PRUNE2: variants seen among roughly 807,000 people sequenced by gnomAD.
PRUNE2 encodes the protein protein prune homolog 2.
A neutral mutation model predicts 252.0 loss-of-function variants in PRUNE2; 164 were observed. That is an observed-to-expected ratio of 0.65 (90% CI 0.57 to 0.74). The LOEUF (loss-of-function observed/expected upper bound fraction) is 0.74. Among genes scored for constraint, PRUNE2 ranks in the 30% least tolerant of loss-of-function variants. The pLI, the probability that PRUNE2 is intolerant of heterozygous loss-of-function variation, is 0.00. For missense variants in PRUNE2, 3,495 were observed against 3,711.0 expected (o/e 0.94, Z 1.51); for synonymous variants, 1,292 against 1,350.2 (o/e 0.96, Z 0.94).
At chr9:76,701,038 G>A (rs372435805) in intron 9 of PRUNE2, among the ~76,000 whole-genome samples, 4 of 152,118 alleles carry the variant, frequency 2.6e-5, no homozygotes, top group African/African-American at 7.2e-5. Context: ...ACTCCTAGAC[G>A]GCTGACAGTA....
intron 6 of PRUNE2, among the ~76,000 whole-genome samples, chr9:76,813,462 T>C (rs530785991): frequency 6.6e-6 from 1 of 152,336 alleles, no homozygotes; most frequent in Non-Finnish European, 1.5e-5. Context: ...TAAAAGTGTG[T>C]TGTGTCTCTA....
chr9:76,781,071 A>G (rs751100434), intron 6 of PRUNE2, among the ~76,000 whole-genome samples: 22 of 152,200 alleles, frequency 1.4e-4, no homozygotes, highest in Admixed American at 1.4e-3. Flanking sequence ...GATATATTAA[A>G]TATCTATAAA....
chr9:76,615,037 C>T (rs2131802873), intron 18 of PRUNE2: 2 of 929,396 alleles, frequency 2.2e-6, no homozygotes, highest in Non-Finnish European at 2.6e-6. Flanking sequence ...TGGTAAACAA[C>T]AAAACAACAC....
intron 11 of PRUNE2, among the ~76,000 whole-genome samples, chr9:76,649,035 TA>T: frequency 6.6e-6 from 1 of 152,280 alleles, no homozygotes; most frequent in Middle Eastern, 3.4e-3. Context: ...GCAAGGGATG[TA>T]GACAGTGAAG....
chr9:76,797,777 G>A (rs1188712286), intron 6 of PRUNE2, among the ~76,000 whole-genome samples: 1 of 151,998 alleles, frequency 6.6e-6, no homozygotes, highest in Non-Finnish European at 1.5e-5. Context: ...GAATGGTAGA[G>A]AGGGGAAGGG....
intron 6 of PRUNE2, among the ~76,000 whole-genome samples, chr9:76,781,486 T>G (rs573026177): frequency 6.6e-6 from 1 of 152,342 alleles, no homozygotes; most frequent in Non-Finnish European, 1.5e-5. Context: ...CCCCTAGTCC[T>G]TTCCTGGCCT....
At chr9:76,731,217 T>C (rs1408635800) in intron 6 of PRUNE2, among the ~76,000 whole-genome samples, 2 of 151,708 alleles carry the variant, frequency 1.3e-5, no homozygotes, top group African/African-American at 4.8e-5. Context: ...TATTATTATA[T>C]GGGGGAAAAT....
chr9:76,739,318 C>T (rs923903917), intron 6 of PRUNE2: 3 of 151,840 alleles, frequency 2.0e-5, no homozygotes, highest in Admixed American at 6.6e-5. Context: ...TGATGTGGCT[C>T]GATGTGAAAA....
At chr9:76,643,128 T>C (rs1275892841) in intron 12 of PRUNE2, among the ~76,000 whole-genome samples, 1 of 152,258 alleles carries the variant, frequency 6.6e-6, no homozygotes, top group African/African-American at 2.4e-5. Context: ...AGTGCACTGA[T>C]GATAATCATT....
chr9:76,716,711 G>A (rs1023002879), intron 6 of PRUNE2, among the ~76,000 whole-genome samples: 1 of 151,716 alleles, frequency 6.6e-6, no homozygotes, highest in African/African-American at 2.4e-5. Context: ...TTTAAGTCCT[G>A]GGATACATGT....
chr9:76,844,364 C>T (rs1448411652), intron 4 of PRUNE2, among the ~76,000 whole-genome samples: 2 of 152,160 alleles, frequency 1.3e-5, no homozygotes, highest in Non-Finnish European at 2.9e-5. Context: ...CAGTCTCTTG[C>T]TCCCTCCCTT....
intron 12 of PRUNE2, among the ~76,000 whole-genome samples, chr9:76,639,902 T>C (rs1841830822): frequency 6.6e-6 from 1 of 152,212 alleles, no homozygotes; most frequent in African/African-American, 2.4e-5. Context: ...GGCATAATTT[T>C]GGAATTGCCC....
At chr9:76,728,416 G>T (rs563806449) in intron 6 of PRUNE2, among the ~76,000 whole-genome samples, 2 of 152,248 alleles carry the variant, frequency 1.3e-5, no homozygotes, top group African/African-American at 4.8e-5. Context: ...TGGCTTAAGG[G>T]TGAGGCCTGG....
At chr9:76,658,830 C>T (rs149360423) in intron 9 of PRUNE2, among the ~76,000 whole-genome samples, 140 of 152,324 alleles carry the variant, frequency 9.2e-4, no homozygotes, top group Middle Eastern at 3.4e-3. Flanking sequence ...GACATTAACA[C>T]CATGTGTGTT....
At chr9:76,717,581 C>A (rs75379954) in intron 6 of PRUNE2, among the ~76,000 whole-genome samples, 2 of 152,062 alleles carry the variant, frequency 1.3e-5, no homozygotes, top group Non-Finnish European at 2.9e-5. Flanking sequence ...ATGTTCCCCC[C>A]ACTTAAATTA....
chr9:76,671,859 T>A (rs2041548539), intron 9 of PRUNE2, among the ~76,000 whole-genome samples: 2 of 148,718 alleles, frequency 1.3e-5, no homozygotes, highest in South Asian at 2.2e-4. Flanking sequence ...TGCTGAGAGA[T>A]TTTGTCACCA....
rs1828219509 is a variant in PRUNE2, at chr9:76,613,881, C to T, written c.*689G>A. ...ACATGCAACACGGATTCTTAAATTT[C>T]ACAATGTGGTGGTCACCAACATTCA... On this transcript the variant is annotated 3_prime_UTR_variant, in exon 19 of 19. Coordinates refer to ENST00000376718, the MANE Select transcript of PRUNE2 (RefSeq NM_015225.3). 6.6e-6 allele frequency: 1 copy of T among 152,050 alleles called. No individual in the cohort carries two copies. The highest frequency in any genetic ancestry group is 2.1e-4 in the South Asian group (1 of 4,826). The allele number at this position is 152,050 out of a possible 1,614,324, so 9.4% of individuals were successfully genotyped here.
chr9:76,749,586 T>C (rs1301182973), intron 6 of PRUNE2, among the ~76,000 whole-genome samples: 1 of 152,240 alleles, frequency 6.6e-6, no homozygotes, highest in Non-Finnish European at 1.5e-5. Context: ...AGGTGAGGTC[T>C]TAAGTGTGAG....
chr9:76,828,074 G>A (rs2058449077), intron 4 of PRUNE2, among the ~76,000 whole-genome samples: 1 of 152,204 alleles, frequency 6.6e-6, no homozygotes, highest in African/African-American at 2.4e-5. Context: ...AGTAAGCACA[G>A]ACATTTTCAA....
Sources: gnomAD v4.1 joint callset for allele counts (sites outside exome capture counted in the v4.1 genomes callset) on GRCh38, gnomAD v4.1.1 for gene constraint, MANE v1.5 for transcripts, NCBI Gene and HGNC (gene_info 2026-07-23, HGNC 2026-07-21) for gene names.